The following POC1A variants were observed in gnomAD, a reference collection of about 807,000 sequenced individuals.
The protein encoded by POC1A is POC1 centriolar protein homolog A.
POC1A carries 34 observed loss-of-function variants against 47.8 expected under a neutral mutation model. That is an observed-to-expected ratio of 0.71 (90% CI 0.54 to 0.95). The LOEUF is 0.95. Ranked by LOEUF, POC1A falls within the 40% of genes least tolerant of loss-of-function variation. The pLI, the probability that POC1A is intolerant of heterozygous loss-of-function variation, is 0.00. For missense variants in POC1A, 466 were observed against 528.3 expected (o/e 0.88, Z 1.16); for synonymous variants, 177 against 207.6 (o/e 0.85, Z 1.27).
At chr3:52,086,829 G>A (rs778863513) in intron 10 of POC1A, among the ~76,000 whole-genome samples, 2 of 152,238 alleles carry the variant, frequency 1.3e-5, no homozygotes, top group Non-Finnish European at 2.9e-5. Flanking sequence ...CCAGTGATGA[G>A]GACAAAGATT....
chr3:52,124,792 T>G (rs1045962681), intron 8 of POC1A, among the ~76,000 whole-genome samples: 1 of 152,204 alleles, frequency 6.6e-6, no homozygotes, highest in African/African-American at 2.4e-5. Flanking sequence ...ATCTATTTAT[T>G]TGGAATCAGG....
intron 2 of POC1A, 100 bp from the exon 3 acceptor site, chr3:52,150,087 C>G: frequency 1.1e-6 from 1 of 928,106 alleles, no homozygotes; most frequent in East Asian, 2.5e-5. Flanking sequence ...CCAGCTCCAT[C>G]TTCCCTGGCA....
At chr3:52,093,080 G>A (rs911371402) in intron 10 of POC1A, among the ~76,000 whole-genome samples, 1 of 152,222 alleles carries the variant, frequency 6.6e-6, no homozygotes, top group Non-Finnish European at 1.5e-5. Context: ...CATGGGTCAG[G>A]CCTCGACTTT....
chr3:52,097,035 C>T (rs1362272345), intron 9 of POC1A, among the ~76,000 whole-genome samples: 2 of 152,210 alleles, frequency 1.3e-5, no homozygotes, highest in African/African-American at 4.8e-5. Flanking sequence ...AAGCTAGCTG[C>T]CTCCCATATC....
intron 10 of POC1A, among the ~76,000 whole-genome samples, chr3:52,085,855 T>G (rs1016377231): frequency 1.3e-5 from 2 of 152,216 alleles, no homozygotes; most frequent in African/African-American, 4.8e-5. Flanking sequence ...ACTTGCTCTG[T>G]CTGGCTGGGC....
At chr3:52,109,031 G>A (rs952779641) in intron 9 of POC1A, among the ~76,000 whole-genome samples, 8 of 152,212 alleles carry the variant, frequency 5.3e-5, no homozygotes, top group African/African-American at 7.2e-5. Flanking sequence ...GAGCCCAGAC[G>A]CGCCCCCTTC....
intron 10 of POC1A, among the ~76,000 whole-genome samples, chr3:52,078,345 T>A (rs1702179900): frequency 6.6e-6 from 1 of 152,020 alleles, no homozygotes; most frequent in Non-Finnish European, 1.5e-5. Flanking sequence ...ATTAGAATGC[T>A]GTCTGGCACT....
intron 4 of POC1A, 30 bp from the exon 5 acceptor site, chr3:52,147,125 CA>C: frequency 6.6e-7 from 1 of 1,510,820 alleles, no homozygotes; most frequent in East Asian, 2.3e-5. Flanking sequence ...AGTCACATCA[CA>C]GACTAACAGA....
At chr3:52,134,176 G>C (rs1378097906) in intron 7 of POC1A, among the ~76,000 whole-genome samples, 1 of 152,186 alleles carries the variant, frequency 6.6e-6, no homozygotes, top group Non-Finnish European at 1.5e-5. Flanking sequence ...ATGGAGTAGA[G>C]TGGTGGTTAC....
chr3:52,079,722 C>T lies in POC1A; in HGVS notation c.1126-3737G>A, dbSNP rs984292535. Among the ~76,000 whole-genome samples the T allele has an allele frequency of 3.8e-4, 58 of 152,160 alleles. No homozygotes were observed. The highest frequency in any genetic ancestry group is 1.3e-3 in the African/African-American group (54 of 41,432). Reference sequence around the variant, plus strand: ...TTGGGGCAGGGTAAAGGGAAACTGACGAAGGGGTTGAGGAGTCCAGGGCTC... The same window carrying T: ...TTGGGGCAGGGTAAAGGGAAACTGATGAAGGGGTTGAGGAGTCCAGGGCTC... On this transcript the variant is annotated intron_variant, in intron 10 of 10. Coordinates refer to ENST00000296484, the MANE Select transcript of POC1A (RefSeq NM_015426.5). This position sits in a 1 kb window ranked among gnomAD's most constrained non-coding sequence, Gnocchi z 4.6.
At chr3:52,123,907 C>T (rs954262624) in intron 8 of POC1A, among the ~76,000 whole-genome samples, 4 of 152,200 alleles carry the variant, frequency 2.6e-5, no homozygotes, top group Non-Finnish European at 4.4e-5. Flanking sequence ...CCAGGCTTCA[C>T]GCTCAGGGAA....
At chr3:52,082,231 T>C (rs564318833) in intron 10 of POC1A, among the ~76,000 whole-genome samples, 1 of 152,214 alleles carries the variant, frequency 6.6e-6, no homozygotes, top group East Asian at 1.9e-4. Context: ...CCCTGCAGGC[T>C]GGAGAGCAGA....
intron 6 of POC1A, among the ~76,000 whole-genome samples, chr3:52,143,308 T>C (rs559589160): frequency 6.6e-6 from 1 of 152,108 alleles, no homozygotes; most frequent in Admixed American, 6.5e-5. Flanking sequence ...AACCCTGCCA[T>C]CATGGAGATC....
chr3:52,098,198 G>T (rs1006321874), intron 9 of POC1A, among the ~76,000 whole-genome samples: 12 of 152,188 alleles, frequency 7.9e-5, no homozygotes, highest in Admixed American at 2.0e-4. Context: ...GTTCAGTGCT[G>T]TGCCCACTCC....
At chr3:52,141,814 C>A (rs536576204) in intron 6 of POC1A, among the ~76,000 whole-genome samples, 15 of 152,084 alleles carry the variant, frequency 9.9e-5, no homozygotes, top group Middle Eastern at 3.4e-3. Context: ...TACAGTGAGA[C>A]CCCAACCCCA....
In POC1A at chr3:52,128,243, A is replaced by C. The variant is rs116223739; in HGVS notation, c.814-3062T>G. ...CAGGTCACTCTCCTTTCATGTCATGACTCAACCACCAGAGGCCAAGTTGGG... is the reference window on the plus strand; with the variant it reads ...CAGGTCACTCTCCTTTCATGTCATGCCTCAACCACCAGAGGCCAAGTTGGG... On this transcript the variant is annotated intron_variant, in intron 7 of 10. Transcript: ENST00000296484. 6.9e-3 allele frequency among the ~76,000 whole-genome samples: 1,055 copies of C among 152,190 alleles called. 15 individuals carry two copies. The highest frequency in any genetic ancestry group is 0.024 in the African/African-American group (1,005 of 41,518).
chr3:52,119,969 C>T (rs1253928644), intron 9 of POC1A, among the ~76,000 whole-genome samples: 1 of 152,118 alleles, frequency 6.6e-6, no homozygotes, highest in Non-Finnish European at 1.5e-5. Flanking sequence ...CCTGGGCTCC[C>T]TATGGGGTTG....
chr3:52,109,961 CCT>C (rs1417884802), intron 9 of POC1A, among the ~76,000 whole-genome samples: 1 of 152,098 alleles, frequency 6.6e-6, no homozygotes, highest in Non-Finnish European at 1.5e-5. Flanking sequence ...ACTCTACCAC[CCT>C]CTGTTGCCCT....
chr3:52,082,909 G>A (rs902229313), intron 10 of POC1A, among the ~76,000 whole-genome samples: 1 of 152,098 alleles, frequency 6.6e-6, no homozygotes, highest in African/African-American at 2.4e-5. Flanking sequence ...CTTCTCTACT[G>A]ACATAGAGTA....
Sources: allele counts gnomAD v4.1 joint callset (sites outside exome capture counted in the v4.1 genomes callset), GRCh38; gene constraint gnomAD v4.1.1; non-coding constraint Gnocchi (gnomAD v3.1); transcripts MANE v1.5; gene names NCBI Gene and HGNC (gene_info 2026-07-23, HGNC 2026-07-21).